KHDRBS2: variants seen among roughly 807,000 people sequenced by gnomAD.
KHDRBS2 encodes the protein KH RNA binding domain containing, signal transduction associated 2.
In KHDRBS2, 26 loss-of-function variants were observed where a neutral mutation model predicts 44.3. The observed-to-expected ratio is 0.59, with a 90% CI of 0.43 to 0.81. The LOEUF (loss-of-function observed/expected upper bound fraction) is 0.81, where lower values mean the gene tolerates loss of function less well. Ranked by LOEUF, KHDRBS2 falls within the 40% of genes least tolerant of loss-of-function variation. The probability of loss-of-function intolerance (pLI) is 0.00; values close to 1 mark genes in which losing one functional copy is unlikely to be tolerated. For synonymous variants in KHDRBS2, 194 were observed against 151.1 expected (o/e 1.28, Z -2.08); for missense variants, 476 against 433.1 (o/e 1.10, Z -0.88).
chr6:61,795,546 AT>A (rs1419925740), intron 6 of KHDRBS2, among the ~76,000 whole-genome samples: 7 of 152,190 alleles, frequency 4.6e-5, no homozygotes, highest in African/African-American at 1.7e-4. Flanking sequence ...ATTTAAAAAA[AT>A]CAATGCTCAC....
intron 2 of KHDRBS2, among the ~76,000 whole-genome samples, chr6:62,066,575 A>C (rs552818134): frequency 6.6e-6 from 1 of 151,820 alleles, no homozygotes; most frequent in African/African-American, 2.4e-5. Context: ...TTGTGCTTAC[A>C]TGTGCAAATT....
intron 2 of KHDRBS2, among the ~76,000 whole-genome samples, chr6:62,132,147 C>A (rs9454428): frequency 0.034 from 5,183 of 152,212 alleles, 291 homozygotes; most frequent in African/African-American, 0.12. Flanking sequence ...AAGTTCATCT[C>A]CATCCTCTAT....
At chr6:61,994,582 G>A (rs9445773) in intron 3 of KHDRBS2, among the ~76,000 whole-genome samples, 3,188 of 152,114 alleles carry the variant, frequency 0.021, 115 homozygotes, top group African/African-American at 0.074. Flanking sequence ...TTTTGGGGGT[G>A]GTCTCTGACC....
chr6:61,792,708 C>T (rs753835645), intron 6 of KHDRBS2, among the ~76,000 whole-genome samples: 5 of 151,772 alleles, frequency 3.3e-5, no homozygotes, highest in Non-Finnish European at 5.9e-5. Flanking sequence ...CCCTCTTCTT[C>T]AAATCTGTAA....
At chr6:62,109,586 G>A (rs1230269246) in intron 2 of KHDRBS2, among the ~76,000 whole-genome samples, 5 of 151,606 alleles carry the variant, frequency 3.3e-5, no homozygotes, top group African/African-American at 7.2e-5. Flanking sequence ...GTTTGGCAAG[G>A]GTAAAGGATA....
chr6:61,922,620 C>T (rs183828982), intron 4 of KHDRBS2, among the ~76,000 whole-genome samples: 1 of 152,056 alleles, frequency 6.6e-6, no homozygotes, highest in Non-Finnish European at 1.5e-5. Context: ...GGAGGACCAA[C>T]TAGACTAGAA....
rs555154213 is a variant in KHDRBS2 at position 62,155,687 on chromosome 6, A to C, written c.219+21498T>G. ...TAAACTATTGTTTCTGTAACTCATGAATACTATTTATATAATCAAAAACAA... is the reference window on the plus strand; with the variant it reads ...TAAACTATTGTTTCTGTAACTCATGCATACTATTTATATAATCAAAAACAA... On this transcript the variant is annotated intron_variant, in intron 2 of 8. Coordinates refer to ENST00000281156, the MANE Select transcript of KHDRBS2 (RefSeq NM_152688.4). Among the ~76,000 whole-genome samples the C allele has an allele frequency of 2.0e-5, 3 of 152,342 alleles. No homozygotes were observed. In the South Asian group the frequency reaches 6.2e-4, roughly 32 times the overall value.
At chr6:61,554,874 C>T in the KHDRBS2 span, among the ~76,000 whole-genome samples, 24 of 152,120 alleles carry the variant, frequency 1.6e-4, no homozygotes, top group Non-Finnish European at 3.4e-4. Flanking sequence ...TGCTGTAAGG[C>T]CCACTGTTAG....
intron 8 of KHDRBS2, among the ~76,000 whole-genome samples, chr6:61,683,949 A>G (rs1299642347): frequency 6.6e-6 from 1 of 151,988 alleles, no homozygotes; most frequent in East Asian, 1.9e-4. Context: ...TACCATTAGC[A>G]GAGGAAATTA....
intron 6 of KHDRBS2, among the ~76,000 whole-genome samples, chr6:61,741,337 A>G (rs889274210): frequency 2.0e-5 from 3 of 151,992 alleles, no homozygotes; most frequent in Non-Finnish European, 4.4e-5. Context: ...AGATATTTGA[A>G]GGTTGCTTGC....
the KHDRBS2 span, among the ~76,000 whole-genome samples, chr6:61,657,949 T>G: frequency 1.7e-3 from 251 of 152,056 alleles, 3 homozygotes; most frequent in Non-Finnish European, 4.3e-4. Context: ...ATAGCAAAAG[T>G]TCTTAAGCCT....
chr6:61,645,833 C>T, the KHDRBS2 span, among the ~76,000 whole-genome samples: 1 of 152,134 alleles, frequency 6.6e-6, no homozygotes, highest in Non-Finnish European at 1.5e-5. Flanking sequence ...CCTTTAATAA[C>T]ATCCTCAATA....
At chr6:62,169,771 G>A (rs999142558) in intron 2 of KHDRBS2, among the ~76,000 whole-genome samples, 3 of 151,958 alleles carry the variant, frequency 2.0e-5, no homozygotes, top group African/African-American at 7.3e-5. Flanking sequence ...AGTAGTTTTG[G>A]CAAAGGTAAG....
chr6:62,262,807 T>C (rs540827769), intron 1 of KHDRBS2, among the ~76,000 whole-genome samples: 1 of 151,824 alleles, frequency 6.6e-6, no homozygotes, highest in South Asian at 2.1e-4. Flanking sequence ...CACAAGTATG[T>C]GTACATTATT....
At position 62,072,326 on chromosome 6, in the gene KHDRBS2, C is replaced by T. The variant is rs139966237; in HGVS notation, c.220-24332G>A. Among the ~76,000 whole-genome samples the T allele has an allele frequency of 8.0e-3, 1,225 of 152,188 alleles. 12 individuals are homozygous for T. The highest frequency in any genetic ancestry group is 0.028 in the African/African-American group (1,149 of 41,530). ...ACTTCCTCTTTTCTTAATTGAATAT[C>T]CTTTTATTTCCTTCTCCTGCCTGAT... On this transcript the variant is annotated intron_variant, in intron 2 of 8. Transcript: ENST00000281156.
At chr6:61,608,718 T>C in the KHDRBS2 span, among the ~76,000 whole-genome samples, 5 of 152,134 alleles carry the variant, frequency 3.3e-5, no homozygotes, top group African/African-American at 1.2e-4. Context: ...GTTAGTTTGC[T>C]GAGGATGATG....
At chr6:61,720,548 A>G (rs1248844623) in intron 7 of KHDRBS2, among the ~76,000 whole-genome samples, 1 of 152,072 alleles carries the variant, frequency 6.6e-6, no homozygotes, top group Non-Finnish European at 1.5e-5. Flanking sequence ...ACATTTTTTC[A>G]TGTGTTTTTT....
chr6:62,231,703 T>C (rs1229486365), intron 1 of KHDRBS2, among the ~76,000 whole-genome samples: 2 of 152,194 alleles, frequency 1.3e-5, no homozygotes, highest in Non-Finnish European at 1.5e-5. Context: ...TATAAAATAT[T>C]GTTTGCACTA....
intron 6 of KHDRBS2, among the ~76,000 whole-genome samples, chr6:61,859,455 T>C (rs1315281418): frequency 1.3e-5 from 2 of 151,774 alleles, no homozygotes; most frequent in African/African-American, 4.8e-5. Flanking sequence ...TGTAAGTGTC[T>C]TATCTCCAAG....
Sources: allele counts gnomAD v4.1 joint callset (sites outside exome capture counted in the v4.1 genomes callset), GRCh38; gene constraint gnomAD v4.1.1; transcripts MANE v1.5; gene names NCBI Gene and HGNC (gene_info 2026-07-23, HGNC 2026-07-21).